The following PTPRG variants were observed in gnomAD, a reference collection of about 807,000 sequenced individuals.
The protein encoded by PTPRG is protein tyrosine phosphatase receptor type G, also known as receptor-type tyrosine-protein phosphatase gamma.
In PTPRG, 102 loss-of-function variants were observed where a neutral mutation model predicts 165.3. That is an observed-to-expected ratio of 0.62 (90% CI 0.53 to 0.73). The LOEUF (loss-of-function observed/expected upper bound fraction) is 0.73, where lower values mean the gene tolerates loss of function less well. Among genes scored for constraint, PTPRG ranks in the 30% least tolerant of loss-of-function variants. The pLI, the probability that PTPRG is intolerant of heterozygous loss-of-function variation, is 0.00. For missense variants in PTPRG, 1,866 were observed against 1,861.4 expected, an observed-to-expected ratio of 1.00 and a Z score of -0.05; for synonymous variants, 675 against 669.5, an observed-to-expected ratio of 1.01 and a Z score of -0.13.
At chr3:62,119,511 G>T (rs1275013655) in intron 5 of PTPRG, among the ~76,000 whole-genome samples, 1 of 152,210 alleles carries the variant, frequency 6.6e-6, no homozygotes. Flanking sequence ...CTGGAGTCCT[G>T]TAGGGAACCA....
chr3:61,827,684 G>C (rs1176856350), intron 2 of PTPRG, among the ~76,000 whole-genome samples: 1 of 152,000 alleles, frequency 6.6e-6, no homozygotes, highest in Non-Finnish European at 1.5e-5. Context: ...TACTGGGAAG[G>C]CCCAATATTT....
intron 27 of PTPRG, 27 bp from the exon 28 acceptor site, chr3:62,282,700 A>T (rs201421958): frequency 1.3e-6 from 2 of 1,591,688 alleles, no homozygotes; most frequent in East Asian, 4.5e-5. Context: ...AAAGGAAGGG[A>T]TTTGACCCAT....
chr3:61,780,644 C>T (rs190318872), intron 2 of PTPRG, among the ~76,000 whole-genome samples: 7 of 152,298 alleles, frequency 4.6e-5, no homozygotes, highest in Non-Finnish European at 8.8e-5. Context: ...AGCAGTGTCT[C>T]TTCCTAGTCA....
intron 6 of PTPRG, among the ~76,000 whole-genome samples, chr3:62,145,242 A>G (rs1289428444): frequency 6.6e-6 from 1 of 152,174 alleles, no homozygotes; most frequent in Non-Finnish European, 1.5e-5. Flanking sequence ...TCTCAACTGC[A>G]TCGTGAGGTA....
chr3:62,154,197 C>G (rs1055607181), intron 6 of PTPRG, among the ~76,000 whole-genome samples: 3 of 152,180 alleles, frequency 2.0e-5, no homozygotes, highest in Admixed American at 6.5e-5. Flanking sequence ...AGAGACCATC[C>G]TTTGGCCTCC....
intron 16 of PTPRG, among the ~76,000 whole-genome samples, chr3:62,261,551 A>C (rs2148857249): frequency 6.6e-6 from 1 of 152,168 alleles, no homozygotes; most frequent in South Asian, 2.1e-4. Context: ...ACTGTCATTA[A>C]ACACACTTTC....
At chr3:61,596,138 C>T (rs1351233481) in intron 1 of PTPRG, among the ~76,000 whole-genome samples, 4 of 152,130 alleles carry the variant, frequency 2.6e-5, no homozygotes, top group South Asian at 2.1e-4. Context: ...TATTTTGGGA[C>T]AAAGAGTATT....
At position 61,961,930 on chromosome 3, in the gene PTPRG, C is replaced by T. The variant is rs115059284; in HGVS notation, c.191-27695C>T. ...GAGAAGCATTATTTCAGACACAGCTCGGGCTCTGCACTCCCCAGTTACAGT... is the reference window on the plus strand; with the variant it reads ...GAGAAGCATTATTTCAGACACAGCTTGGGCTCTGCACTCCCCAGTTACAGT... On this transcript the variant is annotated intron_variant, in intron 2 of 29. Transcript: ENST00000474889. Among the ~76,000 whole-genome samples the T allele has an allele frequency of 2.2e-3, 330 of 152,288 alleles. 2 individuals carry two copies. Among genetic ancestry groups the T allele is most frequent in the African/African-American group, 7.2e-3 (301 of 41,556 alleles).
intron 15 of PTPRG, among the ~76,000 whole-genome samples, chr3:62,253,482 T>G (rs1238429012): frequency 6.6e-6 from 1 of 152,194 alleles, no homozygotes; most frequent in Non-Finnish European, 1.5e-5. Context: ...GAGTTTATTC[T>G]TGGGCTAATC....
chr3:62,152,205 ATT>A (rs79099891), intron 6 of PTPRG, among the ~76,000 whole-genome samples: 4 of 144,660 alleles, frequency 2.8e-5, no homozygotes, highest in Admixed American at 7.0e-5. Context: ...ATGTCTACTA[ATT>A]TTTTTTTTTT....
At chr3:61,685,479 G>C (rs1195610506) in intron 1 of PTPRG, among the ~76,000 whole-genome samples, 2 of 152,224 alleles carry the variant, frequency 1.3e-5, no homozygotes, top group Non-Finnish European at 1.5e-5. Context: ...GGAAGAAGCA[G>C]GATTGGACAG....
At chr3:61,589,236 A>G (rs546351241) in intron 1 of PTPRG, among the ~76,000 whole-genome samples, 7 of 152,278 alleles carry the variant, frequency 4.6e-5, no homozygotes, top group African/African-American at 1.2e-4. Context: ...CAGCACCACA[A>G]TGGAAGAATG....
At chr3:61,616,073 C>T (rs1330102860) in intron 1 of PTPRG, among the ~76,000 whole-genome samples, 17 of 152,170 alleles carry the variant, frequency 1.1e-4, no homozygotes, top group Admixed American at 1.1e-3. Context: ...GCCTCAGCCT[C>T]CCAAGTAGCT....
intron 1 of PTPRG, among the ~76,000 whole-genome samples, chr3:61,611,048 T>C (rs1158614206): frequency 6.6e-6 from 1 of 152,118 alleles, no homozygotes; most frequent in African/African-American, 2.4e-5. Context: ...GTGATCCTCC[T>C]GTCTTGGCCT....
At chr3:61,624,348 A>G (rs1039611616) in intron 1 of PTPRG, among the ~76,000 whole-genome samples, 1 of 152,030 alleles carries the variant, frequency 6.6e-6, no homozygotes, top group Admixed American at 6.6e-5. Context: ...ACATTTCCCA[A>G]CTTCCCATGC....
chr3:61,843,273 A>T (rs781261414), intron 2 of PTPRG, among the ~76,000 whole-genome samples: 3 of 152,230 alleles, frequency 2.0e-5, no homozygotes, highest in Non-Finnish European at 4.4e-5. Flanking sequence ...AAGGGTTTAT[A>T]CTGTAAGAAA....
At chr3:62,073,795 CT>C (rs1205490659) in intron 4 of PTPRG, among the ~76,000 whole-genome samples, 2 of 152,140 alleles carry the variant, frequency 1.3e-5, no homozygotes, top group African/African-American at 4.8e-5. Context: ...AACCTCAATT[CT>C]ATGAAATTTC....
intron 1 of PTPRG, among the ~76,000 whole-genome samples, chr3:61,588,281 A>G (rs1404113694): frequency 1.3e-5 from 2 of 152,152 alleles, no homozygotes; most frequent in East Asian, 3.9e-4. Flanking sequence ...AGTTTTGAAC[A>G]TATACCCCTA....
At chr3:62,057,165 T>A (rs552340026) in intron 4 of PTPRG, among the ~76,000 whole-genome samples, 2 of 152,310 alleles carry the variant, frequency 1.3e-5, no homozygotes, top group Non-Finnish European at 2.9e-5. Context: ...ATCAGAGTTT[T>A]AATGGGCCTT....
Sources: allele counts gnomAD v4.1 joint callset (sites outside exome capture counted in the v4.1 genomes callset), GRCh38; gene constraint gnomAD v4.1.1; transcripts MANE v1.5; gene names NCBI Gene and HGNC (gene_info 2026-07-23, HGNC 2026-07-21).